Variants in IPP observed in about 807,000 individuals in gnomAD.
The protein encoded by IPP is actin-binding protein IPP.
In IPP, 41 loss-of-function variants were observed where a neutral mutation model predicts 64.1. That is an observed-to-expected ratio of 0.64 (90% confidence interval 0.50 to 0.83). The LOEUF (loss-of-function observed/expected upper bound fraction) is 0.83, where lower values mean the gene tolerates loss of function less well. Ranked by LOEUF, IPP falls within the 40% of genes least tolerant of loss-of-function variation. The pLI, the probability that IPP is intolerant of heterozygous loss-of-function variation, is 0.00. For missense variants in IPP, 649 were observed against 703.0 expected, an observed-to-expected ratio of 0.92 and a Z score of 0.87; for synonymous variants, 214 against 235.2, an observed-to-expected ratio of 0.91 and a Z score of 0.83.
chr1:45,697,976 G>A (rs1367978634), downstream of IPP: 1 of 150,538 alleles, frequency 6.6e-6, no homozygotes, highest in Non-Finnish European at 1.5e-5. Context: ...AAAAAGAAAC[G>A]GGAAATCAAA....
chr1:45,702,086 G>A (rs1467279516), intron 8 of IPP, among the ~76,000 whole-genome samples: 1 of 152,032 alleles, frequency 6.6e-6, no homozygotes, highest in Non-Finnish European at 1.5e-5. Flanking sequence ...AGATAAATTA[G>A]GATAATTTAG....
chr1:45,745,020 C>T (rs984761042), intron 2 of IPP, among the ~76,000 whole-genome samples: 5 of 151,906 alleles, frequency 3.3e-5, no homozygotes, highest in Non-Finnish European at 5.9e-5. Flanking sequence ...GTGAGTGCAC[C>T]ACCACACTCC....
In IPP at chr1:45,746,123, T is replaced by C. The variant is rs1486922340; in HGVS notation, c.289A>G (p.Thr97Ala). 6.2e-7 allele frequency: 1 copy of C among 1,609,692 alleles called. No individual in the cohort carries two copies. The highest frequency in any genetic ancestry group is 2.2e-5 in the East Asian group (1 of 44,860). Residue 97 changes from threonine to alanine, a missense_variant, in exon 2 of 9, where the codon ACA (threonine) becomes GCA (alanine). Thr to Ala is a moderately conservative substitution (Grantham distance 58). Coordinates refer to ENST00000396478, the MANE Select transcript of IPP (RefSeq NM_005897.3). Reference protein sequence around the residue: ...IFQILLDFIYTGIVNIGVNNV... With the variant: ...IFQILLDFIYAGIVNIGVNNV... ...GCAACAGACTCATGTAACATACCTG[T>C]GTAAATGAAATCTAGAAGTATCTGA...
intron 1 of IPP, among the ~76,000 whole-genome samples, chr1:45,749,361 G>C (rs1468500460): frequency 6.6e-6 from 1 of 152,166 alleles, no homozygotes; most frequent in Non-Finnish European, 1.5e-5. Context: ...CAAAGGAAAA[G>C]AGCACAATTC....
intron 3 of IPP, among the ~76,000 whole-genome samples, chr1:45,739,321 C>T (rs1283160787): frequency 2.0e-5 from 3 of 151,928 alleles, no homozygotes; most frequent in Admixed American, 6.6e-5. Flanking sequence ...GTAGCCTTGA[C>T]CTCCTGGACT....
Position 45,740,757 on chromosome 1 carries a change from T to C in IPP, c.724+144A>G, listed in dbSNP as rs1570044870. On this transcript the variant is annotated intron_variant, in intron 3 of 8. Transcript: ENST00000396478. ...CAAAAGTTGTATCTTAATCATTCAA[T>C]ACATTTTAAAAAAAGAAAAAAAAAG... The C allele has an allele frequency of 5.4e-6, 3 of 556,166 alleles. No individual in the cohort carries two copies. In the East Asian group the frequency reaches 8.8e-5, roughly 16 times the overall value. The allele number at this position is 556,166 out of a possible 1,614,324, so 34.5% of individuals were successfully genotyped here. A position where few individuals can be genotyped will look rare whatever the true frequency, so the allele number is the denominator to read the frequency against.
At chr1:45,724,011 ACG>A (rs1304434002) in intron 5 of IPP, among the ~76,000 whole-genome samples, 3 of 117,476 alleles carry the variant, frequency 2.6e-5, no homozygotes, top group Non-Finnish European at 5.1e-5. Flanking sequence ...GTCTCCTTCC[ACG>A]GTCTCCCTCT....
chr1:45,715,871 G>C (rs374466044), intron 7 of IPP, among the ~76,000 whole-genome samples: 1 of 152,202 alleles, frequency 6.6e-6, no homozygotes, highest in Non-Finnish European at 1.5e-5. Flanking sequence ...ACAACTAGGA[G>C]ACAATATCAT....
chr1:45,705,215 T>C (rs1443708232), intron 8 of IPP, among the ~76,000 whole-genome samples: 1 of 152,256 alleles, frequency 6.6e-6, no homozygotes, highest in Non-Finnish European at 1.5e-5. Context: ...AGCAGCAACA[T>C]CCAAGTAGCA....
chr1:45,698,908 G>T lies in IPP; in HGVS notation c.*1058C>A. ...TAATTTTTATATATTTTTTGGTAGA[G>T]ACGGAGTCTCATCACGTTGCCCAGG... On this transcript the variant is annotated 3_prime_UTR_variant, in exon 9 of 9. Coordinates refer to ENST00000396478, the MANE Select transcript of IPP (RefSeq NM_005897.3). The T allele has an allele frequency of 2.8e-6, 1 of 362,100 alleles. No individual in the cohort carries two copies. The highest frequency in any genetic ancestry group is 3.8e-6 in the Non-Finnish European group (1 of 260,634). The allele number at this position is 362,100 out of a possible 1,614,324, so 22.4% of individuals were successfully genotyped here. A position where few individuals can be genotyped will look rare whatever the true frequency, so the allele number is the denominator to read the frequency against.
chr1:45,722,703 T>G (rs747563653), intron 5 of IPP, among the ~76,000 whole-genome samples: 1 of 151,682 alleles, frequency 6.6e-6, no homozygotes, highest in Non-Finnish European at 1.5e-5. Flanking sequence ...AAATCAAACT[T>G]ACATCTACAC....
intron 2 of IPP, 30 bp from the exon 3 acceptor site, chr1:45,741,362 T>G (rs759431619): frequency 3.4e-6 from 5 of 1,457,224 alleles, no homozygotes; most frequent in Non-Finnish European, 4.7e-6. Flanking sequence ...AAATGGCCAA[T>G]AAAATAAAAA....
chr1:45,700,461 C>T (rs1645438065), intron 8 of IPP, among the ~76,000 whole-genome samples: 1 of 152,092 alleles, frequency 6.6e-6, no homozygotes, highest in South Asian at 2.1e-4. Flanking sequence ...CTTGCCTCAG[C>T]CTCCTGAGTA....
intron 2 of IPP, among the ~76,000 whole-genome samples, 162 bp from the exon 3 acceptor site, chr1:45,741,494 A>C (rs1646065439): frequency 6.6e-6 from 1 of 152,240 alleles, no homozygotes; most frequent in Non-Finnish European, 1.5e-5. Flanking sequence ...CACAAAATTT[A>C]AACGATAACG....
downstream of IPP, among the ~76,000 whole-genome samples, chr1:45,697,686 C>T (rs934262776): frequency 4.6e-5 from 7 of 151,980 alleles, no homozygotes; most frequent in South Asian, 2.1e-4. Context: ...CGGCAGAGTG[C>T]GGTGGCTCAC....
intron 8 of IPP, among the ~76,000 whole-genome samples, chr1:45,712,971 A>G (rs1277267040): frequency 6.6e-6 from 1 of 151,784 alleles, no homozygotes; most frequent in Non-Finnish European, 1.5e-5. Context: ...AAATATTTTA[A>G]TATAAATGCC....
At chr1:45,704,045 C>A (rs1006159533) in intron 8 of IPP, among the ~76,000 whole-genome samples, 2 of 152,126 alleles carry the variant, frequency 1.3e-5, no homozygotes, top group Non-Finnish European at 2.9e-5. Flanking sequence ...TTTCTCTTCT[C>A]TTCTCTTACT....
At chr1:45,716,459 G>T (rs1490492541) in intron 7 of IPP, among the ~76,000 whole-genome samples, 1 of 152,066 alleles carries the variant, frequency 6.6e-6, no homozygotes, top group Non-Finnish European at 1.5e-5. Flanking sequence ...TGGCCAGGAT[G>T]GTCTCGAACT....
intron 7 of IPP, among the ~76,000 whole-genome samples, chr1:45,715,514 G>A (rs367669016): frequency 2.6e-5 from 4 of 151,782 alleles, no homozygotes; most frequent in Non-Finnish European, 4.4e-5. Flanking sequence ...GGTGGTGGGC[G>A]CCTGTAGTCC....
Sources: gnomAD v4.1 joint callset for allele counts (sites outside exome capture counted in the v4.1 genomes callset) on GRCh38, gnomAD v4.1.1 for gene constraint, MANE v1.5 for transcripts, NCBI Gene and HGNC (gene_info 2026-07-23, HGNC 2026-07-21) for gene names.